Variants in PTBP3 observed in about 807,000 individuals in gnomAD.
PTBP3 encodes polypyrimidine tract-binding protein 3.
Under a neutral mutation model 58.7 loss-of-function variants are expected in PTBP3, and 20 were observed. That is an observed-to-expected ratio of 0.34 (90% confidence interval 0.24 to 0.50). The LOEUF (loss-of-function observed/expected upper bound fraction) is 0.50, where lower values mean the gene tolerates loss of function less well. Ranked by LOEUF, PTBP3 falls within the 20% of genes least tolerant of loss-of-function variation. PTBP3 has a pLI of 0.98. For synonymous variants in PTBP3, 185 were observed against 219.8 expected (o/e 0.84, Z 1.40); for missense variants, 509 against 637.2 (o/e 0.80, Z 2.17).
chr9:112,353,586 T>C, the PTBP3 span, among the ~76,000 whole-genome samples: 1 of 152,130 alleles, frequency 6.6e-6, no homozygotes, highest in Non-Finnish European at 1.5e-5. Context: ...TAACCTGTTA[T>C]GTATAACTCT....
chr9:112,225,775 A>G (rs758190595), intron 12 of PTBP3, among the ~76,000 whole-genome samples: 1 of 152,138 alleles, frequency 6.6e-6, no homozygotes, highest in African/African-American at 2.4e-5. Context: ...CTAACAACAG[A>G]GCTGGGCACA....
At chr9:112,225,270 T>C (rs138817822) in intron 12 of PTBP3, among the ~76,000 whole-genome samples, 123 of 152,282 alleles carry the variant, frequency 8.1e-4, no homozygotes, top group African/African-American at 2.8e-3. Context: ...CCTCACTCAC[T>C]TGTATATCAC....
chr9:112,249,002 C>A (rs1321419469), intron 7 of PTBP3, among the ~76,000 whole-genome samples: 1 of 152,100 alleles, frequency 6.6e-6, no homozygotes, highest in Non-Finnish European at 1.5e-5. Context: ...CAAATAAAGT[C>A]ACAGAAGAAA....
intron 2 of PTBP3, among the ~76,000 whole-genome samples, chr9:112,287,011 C>T (rs913704271): frequency 7.2e-5 from 11 of 151,984 alleles, no homozygotes; most frequent in Non-Finnish European, 2.9e-5. Context: ...AAAGTGGTCC[C>T]CCCTCATCCG....
Position 112,251,092 on chromosome 9 carries a change from GC to G in PTBP3, c.638del (p.Gly213AlafsTer23). The G allele has an allele frequency of 6.4e-7, 1 of 1,571,706 alleles. No homozygotes were observed. Among genetic ancestry groups the G allele is most frequent in the Non-Finnish European group, 8.6e-7 (1 of 1,158,136 alleles). On this transcript the variant is annotated frameshift_variant, in exon 7 of 14. Coordinates refer to ENST00000374257, the MANE Select transcript of PTBP3 (RefSeq NM_001163788.4). LOFTEE classifies it high-confidence loss of function. ...NAHYAKMALD[G>X]QNIYNACCTL... Reference sequence around the variant, plus strand: ...TGCAGCATGCATTATAGATATTCTGGCCATCCAGAGCCTAAAGCATGTAAGA... The same window carrying G: ...TGCAGCATGCATTATAGATATTCTGGCATCCAGAGCCTAAAGCATGTAAGA...
At chr9:112,246,267 G>A (rs1010505451) in intron 7 of PTBP3, among the ~76,000 whole-genome samples, 2 of 151,978 alleles carry the variant, frequency 1.3e-5, no homozygotes, top group African/African-American at 2.4e-5. Context: ...ACAGATGTAA[G>A]CCACCGCACC....
At chr9:112,327,799 G>GAAA (rs112948823) in intron 1 of PTBP3, among the ~76,000 whole-genome samples, 27 of 144,384 alleles carry the variant, frequency 1.9e-4, no homozygotes, top group African/African-American at 6.8e-4. Flanking sequence ...ACTAATAGAG[G>GAAA]AAAAAAAAAA....
Position 112,228,483 on chromosome 9 carries a change from C to A in PTBP3, c.1055-11G>T. 1.3e-6 allele frequency: 2 copies of A among 1,501,922 alleles called. No individual in the cohort carries two copies. The highest frequency in any genetic ancestry group is 1.8e-6 in the Non-Finnish European group (2 of 1,101,758). 93.0% of individuals were successfully genotyped at this position (1,501,922 alleles called of 1,614,324 possible). On this transcript the variant is annotated splice_polypyrimidine_tract_variant and intron_variant, in intron 10 of 13. Coordinates refer to ENST00000374257, the MANE Select transcript of PTBP3 (RefSeq NM_001163788.4). ...CATCACCATAGACTCCTAATTAAAA[C>A]AAAACAAAACACTGTGTTTAACGTC...
intron 5 of PTBP3, among the ~76,000 whole-genome samples, chr9:112,260,747 G>GC (rs1346598006): frequency 2.6e-5 from 4 of 152,110 alleles, no homozygotes; most frequent in African/African-American, 4.8e-5. Context: ...GCATTTGGGG[G>GC]CCTTCATAAG....
chr9:112,292,042 C>T (rs138955787), intron 2 of PTBP3, among the ~76,000 whole-genome samples: 3 of 151,964 alleles, frequency 2.0e-5, no homozygotes, highest in South Asian at 2.1e-4. Context: ...AAAAAATGGG[C>T]AAATTGAAGT....
intron 5 of PTBP3, among the ~76,000 whole-genome samples, chr9:112,256,297 A>ATATATATATG (rs2132102070): frequency 1.4e-5 from 1 of 70,730 alleles, no homozygotes; most frequent in African/African-American, 1.1e-4. Context: ...ATATATACAT[A>ATATATATATG]TATATATATA....
Position 112,252,682 on chromosome 9 carries a change from T to C in PTBP3, c.623A>G (p.Lys208Arg), listed in dbSNP as rs774048899. 8.9e-6 allele frequency: 14 copies of C among 1,577,874 alleles called. No homozygotes were observed. The highest frequency in any genetic ancestry group is 2.7e-5 in the African/African-American group (2 of 74,054). Residue 208 changes from lysine to arginine, a missense_variant, in exon 6 of 14, where the codon AAA (lysine) becomes AGA (arginine). Physicochemically the swap from Lys to Arg is conservative, Grantham distance 26. Transcript: ENST00000374257. ...YADPVNAHYA[K>R]MALDGQNIYN... ...TGAAACAAAGATCATAATTACCATT[T>C]TGGCATAATGTGCATTTACTGGGTC...
At chr9:112,306,141 C>T (rs1252971334) in intron 1 of PTBP3, among the ~76,000 whole-genome samples, 1 of 151,984 alleles carries the variant, frequency 6.6e-6, no homozygotes, top group African/African-American at 2.4e-5. Context: ...ATAAATATAA[C>T]AAAATTATTA....
At chr9:112,256,189 G>A (rs568150665) in intron 5 of PTBP3, among the ~76,000 whole-genome samples, 5 of 150,528 alleles carry the variant, frequency 3.3e-5, no homozygotes, top group African/African-American at 1.2e-4. Flanking sequence ...GGGAGGTGGA[G>A]GTTGCAGTGA....
chr9:112,295,245 GAA>G lies in PTBP3; in HGVS notation c.34+2585_34+2586del, dbSNP rs200186001. On this transcript the variant is annotated intron_variant, in intron 2 of 13. Transcript: ENST00000374257. The stretch of plus-strand genomic sequence containing the variant: ...GACAGAGCAATACTCAGTCTCAAAA[GAA>G]AAAAAAAAAAAAAAGAAGTTAATCT... Among the ~76,000 whole-genome samples, 1,044 of 118,534 alleles carry G rather than the reference GAA, an allele frequency of 8.8e-3. 11 individuals are homozygous for G. Among genetic ancestry groups the G allele is most frequent in the Non-Finnish European group, 0.013 (706 of 55,018 alleles). The allele number at this position is 118,534 out of a possible 152,430, so 77.8% of individuals were successfully genotyped here. A position where few individuals can be genotyped will look rare whatever the true frequency, so the allele number is the denominator to read the frequency against.
chr9:112,273,694 G>C (rs1397788875), intron 3 of PTBP3, among the ~76,000 whole-genome samples: 1 of 152,102 alleles, frequency 6.6e-6, no homozygotes, highest in Non-Finnish European at 1.5e-5. Context: ...ATAGTACAGA[G>C]TGGAGAGACA....
At position 112,312,502 on chromosome 9, in the gene PTBP3, A is replaced by ATTTT. The variant is rs1417898521; in HGVS notation, c.-51-14587_-51-14586insAAAA. On this transcript the variant is annotated intron_variant, in intron 1 of 13. Coordinates refer to ENST00000374257, the MANE Select transcript of PTBP3 (RefSeq NM_001163788.4). ...TTTTTTTTTTTGTTTTTTTTTTTTAAAAAAAAAAAAAAGGACGTGTGTGTG... is the reference window on the plus strand; with the variant it reads ...TTTTTTTTTTTGTTTTTTTTTTTTAATTTTAAAAAAAAAAAAGGACGTGTGTGTG... Among the ~76,000 whole-genome samples, 548 of 92,048 alleles carry ATTTT rather than the reference A, an allele frequency of 6.0e-3. 5 individuals are homozygous for ATTTT. The highest frequency in any genetic ancestry group is 0.019 in the South Asian group (52 of 2,714). The allele number at this position is 92,048 out of a possible 152,430, so 60.4% of individuals were successfully genotyped here.
the PTBP3 span, among the ~76,000 whole-genome samples, chr9:112,371,942 G>A: frequency 6.6e-6 from 1 of 152,000 alleles, no homozygotes; most frequent in Non-Finnish European, 1.5e-5. Flanking sequence ...ATGGAGTCAT[G>A]TTCTGTTGCT....
chr9:112,250,811 TC>T, intron 7 of PTBP3, 117 bp downstream of exon 7: 1 of 1,032,274 alleles, frequency 9.7e-7, no homozygotes, highest in Non-Finnish European at 1.3e-6. Context: ...ATTCTTGCTT[TC>T]CTTTATAAAT....
Sources: allele counts gnomAD v4.1 joint callset (sites outside exome capture counted in the v4.1 genomes callset), GRCh38; gene constraint gnomAD v4.1.1; transcripts MANE v1.5; gene names NCBI Gene and HGNC (gene_info 2026-07-23, HGNC 2026-07-21).